Variants in ADAMTSL1 observed in about 807,000 individuals in gnomAD.
ADAMTSL1 encodes ADAMTS-like protein 1.
A neutral mutation model predicts 201.8 loss-of-function variants in ADAMTSL1; 126 were observed. The ratio of observed to expected loss-of-function variants is 0.62; its 90% confidence interval spans 0.54 to 0.72. ADAMTSL1 has a LOEUF of 0.72. ADAMTSL1 is among the 30% of genes least tolerant of loss of function. ADAMTSL1 has a pLI of 0.00. For missense variants in ADAMTSL1, 2,679 were observed against 2,277.8 expected, an observed-to-expected ratio of 1.18 and a Z score of -3.59; for synonymous variants, 1,121 against 903.4, an observed-to-expected ratio of 1.24 and a Z score of -4.32.
At chr9:18,693,157 G>A (rs1831336685) in intron 13 of ADAMTSL1, among the ~76,000 whole-genome samples, 1 of 152,196 alleles carries the variant, frequency 6.6e-6, no homozygotes, top group Admixed American at 6.5e-5. Flanking sequence ...CTTCACTGCT[G>A]AGTAGCTGAT....
intron 2 of ADAMTSL1, among the ~76,000 whole-genome samples, chr9:18,456,406 C>T (rs535650927): frequency 6.6e-6 from 1 of 152,130 alleles, no homozygotes; most frequent in Non-Finnish European, 1.5e-5. Context: ...CTCTTGATTG[C>T]TTGGTCCACT....
At chr9:18,580,827 C>T (rs1372794050) in intron 4 of ADAMTSL1, among the ~76,000 whole-genome samples, 4 of 152,194 alleles carry the variant, frequency 2.6e-5, no homozygotes, top group African/African-American at 9.6e-5. Context: ...AGAATTTTCA[C>T]TGTGAGAGGA....
At chr9:18,011,335 C>G (rs1388193719) in intron 1 of ADAMTSL1, among the ~76,000 whole-genome samples, 1 of 151,966 alleles carries the variant, frequency 6.6e-6, no homozygotes, top group Non-Finnish European at 1.5e-5. Flanking sequence ...GAAAAATGTT[C>G]AACTTAAATA....
intron 23 of ADAMTSL1, among the ~76,000 whole-genome samples, chr9:18,854,410 T>A (rs1240775370): frequency 6.6e-6 from 1 of 152,156 alleles, no homozygotes; most frequent in African/African-American, 2.4e-5. Context: ...TGTACATGAT[T>A]TTCTTAATTT....
intron 2 of ADAMTSL1, among the ~76,000 whole-genome samples, chr9:18,445,811 C>T (rs952454832): frequency 6.6e-6 from 1 of 152,044 alleles, no homozygotes; most frequent in African/African-American, 2.4e-5. Context: ...TAATCTTTGT[C>T]ATGTGAAAAA....
At chr9:18,749,275 C>A (rs979139855) in intron 15 of ADAMTSL1, among the ~76,000 whole-genome samples, 1 of 152,028 alleles carries the variant, frequency 6.6e-6, no homozygotes. Flanking sequence ...AGCTAGCAGT[C>A]GAGTGGGGAA....
chr9:18,310,386 A>AAAC (rs1554657140), intron 2 of ADAMTSL1, among the ~76,000 whole-genome samples: 9 of 145,160 alleles, frequency 6.2e-5, no homozygotes, highest in South Asian at 4.6e-4. Flanking sequence ...AAAAAAAAAA[A>AAAC]AAAAAAAAAA....
At position 18,874,398 on chromosome 9, in the gene ADAMTSL1, C is replaced by T. The variant is rs554670777; in HGVS notation, c.4250-13433C>T. ...TCTGGTTCTCAGGGAGAACTTTTCC[C>T]CATTCAGTATAGTGTTGGCTGTGGA... On this transcript the variant is annotated intron_variant, in intron 23 of 28. Coordinates refer to ENST00000380548, the MANE Select transcript of ADAMTSL1 (RefSeq NM_001040272.6). Among the ~76,000 whole-genome samples the T allele has an allele frequency of 6.6e-5, 10 of 152,098 alleles. No individual in the cohort carries two copies. The East Asian group carries it at 1.9e-3, about 29-fold the overall frequency.
intron 23 of ADAMTSL1, among the ~76,000 whole-genome samples, chr9:18,853,507 T>C (rs771612957): frequency 1.8e-4 from 28 of 152,202 alleles, no homozygotes; most frequent in East Asian, 3.8e-4. Context: ...AGAGGAGTCA[T>C]TGATCATCAG....
At chr9:18,143,552 T>C (rs73645726) in intron 1 of ADAMTSL1, among the ~76,000 whole-genome samples, 1 of 152,120 alleles carries the variant, frequency 6.6e-6, no homozygotes, top group Non-Finnish European at 1.5e-5. Flanking sequence ...GGAATCATAT[T>C]GGCATCCTCC....
intron 2 of ADAMTSL1, among the ~76,000 whole-genome samples, chr9:18,412,638 A>G (rs1414239150): frequency 6.6e-6 from 1 of 152,164 alleles, no homozygotes; most frequent in Non-Finnish European, 1.5e-5. Flanking sequence ...CGTTTTTGCT[A>G]CTATGGATTT....
intron 15 of ADAMTSL1, among the ~76,000 whole-genome samples, chr9:18,726,969 T>G (rs988093125): frequency 2.0e-5 from 3 of 152,200 alleles, no homozygotes; most frequent in Non-Finnish European, 4.4e-5. Context: ...AAACGAAGCT[T>G]GAGAATCCCT....
chr9:18,893,541 T>C (rs747518825), intron 26 of ADAMTSL1, among the ~76,000 whole-genome samples: 10 of 152,164 alleles, frequency 6.6e-5, no homozygotes, highest in Non-Finnish European at 1.2e-4. Flanking sequence ...CAAATTCTAA[T>C]ATGGTAGGTC....
chr9:18,033,354 A>G (rs1257275530), intron 1 of ADAMTSL1, among the ~76,000 whole-genome samples: 2 of 152,212 alleles, frequency 1.3e-5, no homozygotes, highest in Middle Eastern at 3.2e-3. Context: ...CATGTTGTAT[A>G]CCATAAATAC....
At chr9:18,464,950 T>TGATA (rs1425364932) in intron 2 of ADAMTSL1, among the ~76,000 whole-genome samples, 1 of 152,178 alleles carries the variant, frequency 6.6e-6, no homozygotes, top group African/African-American at 2.4e-5. Context: ...TCTCAGAGAG[T>TGATA]GATAGAGCTC....
At chr9:18,445,737 A>G (rs1820166031) in intron 2 of ADAMTSL1, among the ~76,000 whole-genome samples, 1 of 152,114 alleles carries the variant, frequency 6.6e-6, no homozygotes, top group Admixed American at 6.6e-5. Flanking sequence ...TTTTTATAAA[A>G]CATTTTTAGT....
chr9:18,522,195 T>G (rs1416787028), intron 2 of ADAMTSL1, among the ~76,000 whole-genome samples: 1 of 152,140 alleles, frequency 6.6e-6, no homozygotes, highest in Non-Finnish European at 1.5e-5. Flanking sequence ...ACAGGTACTA[T>G]GCTCACTACC....
At chr9:18,745,649 T>C (rs1819099537) in intron 15 of ADAMTSL1, among the ~76,000 whole-genome samples, 1 of 152,206 alleles carries the variant, frequency 6.6e-6, no homozygotes, top group Non-Finnish European at 1.5e-5. Context: ...TAGGAAATAC[T>C]GTACACATAT....
chr9:18,597,474 T>C (rs527977688), intron 4 of ADAMTSL1, among the ~76,000 whole-genome samples: 1 of 152,368 alleles, frequency 6.6e-6, no homozygotes, highest in African/African-American at 2.4e-5. Context: ...AAACTTGAAG[T>C]ACAAGGTTTA....
Sources: allele counts gnomAD v4.1 joint callset (sites outside exome capture counted in the v4.1 genomes callset), GRCh38; gene constraint gnomAD v4.1.1; transcripts MANE v1.5; gene names NCBI Gene and HGNC (gene_info 2026-07-23, HGNC 2026-07-21).